The following SOX5 variants were observed in gnomAD, a reference collection of about 807,000 sequenced individuals.
SOX5 encodes SRY-box transcription factor 5.
SOX5 carries 9 observed loss-of-function variants against 92.0 expected under a neutral mutation model. That is an observed-to-expected ratio of 0.10 (90% confidence interval 0.06 to 0.17). The LOEUF is 0.17. SOX5 is among the 10% of genes least tolerant of loss of function. The probability of loss-of-function intolerance (pLI) is 1.00; values close to 1 mark genes in which losing one functional copy is unlikely to be tolerated. For missense variants in SOX5, 642 were observed against 944.5 expected (o/e 0.68, Z 4.20); for synonymous variants, 344 against 336.3 (o/e 1.02, Z -0.25).
In SOX5 at chr12:24,500,746, C is replaced by T. The variant is rs112299689; in HGVS notation, c.-251+61583G>A. ...TTGAGAGTTCTTAGCTACCGCTGTT[C>T]CAACATGCAATGCACAATCTTTGGC... On this transcript the variant is annotated intron_variant, in intron 1 of 4. Transcript: ENST00000446891. Among the ~76,000 whole-genome samples the T allele has an allele frequency of 1.2e-3, 179 of 152,296 alleles. 2 individuals are homozygous for T. The Middle Eastern group carries it at 0.014, about 12-fold the overall frequency.
At chr12:24,061,319 C>G (rs1284404404) in intron 4 of SOX5, among the ~76,000 whole-genome samples, 1 of 152,092 alleles carries the variant, frequency 6.6e-6, no homozygotes, top group African/African-American at 2.4e-5. Flanking sequence ...GCCTCCCTTT[C>G]TTCCAAGCTA....
chr12:23,922,470 T>C (rs1449626531), intron 1 of SOX5, among the ~76,000 whole-genome samples: 2 of 152,230 alleles, frequency 1.3e-5, no homozygotes, highest in African/African-American at 2.4e-5. Flanking sequence ...GAAAAATATC[T>C]TTGAGTACAA....
chr12:23,905,640 TGAAAAA>T (rs2097284802), intron 1 of SOX5, among the ~76,000 whole-genome samples: 1 of 152,122 alleles, frequency 6.6e-6, no homozygotes, highest in African/African-American at 2.4e-5. Flanking sequence ...GTTTAATACT[TGAAAAA>T]GATTAATTAG....
chr12:24,099,057 T>C (rs946648211), intron 4 of SOX5, among the ~76,000 whole-genome samples: 1 of 152,192 alleles, frequency 6.6e-6, no homozygotes, highest in Non-Finnish European at 1.5e-5. Flanking sequence ...GGTCAAAACC[T>C]GATATCCATA....
intron 6 of SOX5, among the ~76,000 whole-genome samples, chr12:23,693,965 G>T (rs1414853498): frequency 1.3e-5 from 2 of 152,070 alleles, no homozygotes; most frequent in Non-Finnish European, 2.9e-5. Context: ...CCGTAAAGTT[G>T]TTATTTTGGC....
At position 24,187,680 on chromosome 12, in the gene SOX5, C is replaced by T. The variant is rs540541915; in HGVS notation, c.-2+25663G>A. ...TGAATCTATTATCACCCCTTCCTAACATGTTCTTTGCCAACTATCCTCTGC... is the reference window on the plus strand; with the variant it reads ...TGAATCTATTATCACCCCTTCCTAATATGTTCTTTGCCAACTATCCTCTGC... On this transcript the variant is annotated intron_variant, in intron 4 of 4. Transcript: ENST00000446891. Among the ~76,000 whole-genome samples the T allele has an allele frequency of 8.5e-4, 130 of 152,294 alleles. 1 individual carries two copies. In the Middle Eastern group the frequency reaches 0.01, roughly 12 times the overall value.
At chr12:23,927,856 C>T (rs192609672) in intron 1 of SOX5, among the ~76,000 whole-genome samples, 4 of 152,010 alleles carry the variant, frequency 2.6e-5, no homozygotes, top group East Asian at 3.9e-4. Flanking sequence ...TATCATGTTC[C>T]GCAAAACATA....
At chr12:24,308,250 T>C (rs936877905) in intron 2 of SOX5, among the ~76,000 whole-genome samples, 3 of 152,158 alleles carry the variant, frequency 2.0e-5, no homozygotes, top group Non-Finnish European at 2.9e-5. Context: ...CCACTGTGCA[T>C]GCGGACAGTC....
intron 4 of SOX5, among the ~76,000 whole-genome samples, chr12:24,115,875 G>C (rs1947935424): frequency 6.6e-6 from 1 of 152,058 alleles, no homozygotes; most frequent in Non-Finnish European, 1.5e-5. Context: ...TTTTGAGATT[G>C]TTAATATAAA....
At chr12:24,380,243 T>G (rs1957692217) in intron 1 of SOX5, among the ~76,000 whole-genome samples, 1 of 152,228 alleles carries the variant, frequency 6.6e-6, no homozygotes, top group African/African-American at 2.4e-5. Flanking sequence ...CCGCCCAAAG[T>G]TGCTCTTCTG....
At chr12:23,697,400 T>TA (rs2090026808) in intron 6 of SOX5, among the ~76,000 whole-genome samples, 1 of 152,212 alleles carries the variant, frequency 6.6e-6, no homozygotes, top group African/African-American at 2.4e-5. Context: ...TGATTAGTGT[T>TA]AACTTGGTAT....
intron 2 of SOX5, among the ~76,000 whole-genome samples, chr12:24,364,550 A>C (rs1955972311): frequency 6.9e-6 from 1 of 145,960 alleles, no homozygotes; most frequent in African/African-American, 2.5e-5. Flanking sequence ...ATATACACGA[A>C]TAAATTTGTT....
chr12:24,019,464 A>C (rs1030773680), intron 4 of SOX5, among the ~76,000 whole-genome samples: 2 of 152,214 alleles, frequency 1.3e-5, no homozygotes, highest in African/African-American at 4.8e-5. Flanking sequence ...AAGGAACCAT[A>C]GGGATCCACT....
In SOX5 at chr12:23,832,438, TA is replaced by T. The variant is rs537153255; in HGVS notation, c.481+13544del. Reference sequence around the variant, plus strand: ...GCTCTGAATCCGGTGTTTCGGTATATAAAAGTATTCTGGGAAAGGAGCAGAT... The same window carrying T: ...GCTCTGAATCCGGTGTTTCGGTATATAAAGTATTCTGGGAAAGGAGCAGAT... On this transcript the variant is annotated intron_variant, in intron 3 of 14. Transcript: ENST00000451604. Among the ~76,000 whole-genome samples, 26 of 152,140 alleles carry T rather than the reference TA, an allele frequency of 1.7e-4. No individual in the cohort carries two copies. In the South Asian group the frequency reaches 5.0e-3, roughly 29 times the overall value.
At chr12:24,072,908 A>G (rs1006747220) in intron 4 of SOX5, among the ~76,000 whole-genome samples, 3 of 152,322 alleles carry the variant, frequency 2.0e-5, no homozygotes, top group South Asian at 4.1e-4. Context: ...TTTTTTTTAA[A>G]GAAAACATAG....
At chr12:23,699,263 C>T (rs1479853894) in intron 6 of SOX5, among the ~76,000 whole-genome samples, 3 of 152,116 alleles carry the variant, frequency 2.0e-5, no homozygotes, top group African/African-American at 7.2e-5. Context: ...TTTGTCTCAC[C>T]AGATAGTGAG....
intron 4 of SOX5, among the ~76,000 whole-genome samples, chr12:24,184,741 A>T (rs1955849992): frequency 6.6e-6 from 1 of 152,110 alleles, no homozygotes; most frequent in Non-Finnish European, 1.5e-5. Flanking sequence ...AACTTCCTTC[A>T]ATTGTTTGAG....
At chr12:23,717,744 GGA>G (rs1414646004) in intron 6 of SOX5, among the ~76,000 whole-genome samples, 4 of 152,190 alleles carry the variant, frequency 2.6e-5, no homozygotes, top group Admixed American at 6.5e-5. Flanking sequence ...TGGTCAAGGT[GGA>G]GAGAAGGGAT....
chr12:23,771,199 AAAAAAG>A (rs2094924452), intron 3 of SOX5, among the ~76,000 whole-genome samples: 3 of 151,458 alleles, frequency 2.0e-5, no homozygotes, highest in African/African-American at 2.4e-5. Flanking sequence ...AAAAAAAAAA[AAAAAAG>A]AAAGAAAGAA....
Sources: gnomAD v4.1 joint callset for allele counts (sites outside exome capture counted in the v4.1 genomes callset) on GRCh38, gnomAD v4.1.1 for gene constraint, MANE v1.5 for transcripts, NCBI Gene and HGNC (gene_info 2026-07-23, HGNC 2026-07-21) for gene names.